ANGEL2: variants seen among roughly 807,000 people sequenced by gnomAD.
ANGEL2 encodes the protein RNA 2',3'-cyclic phosphatase ANGEL2.
A neutral mutation model predicts 66.0 loss-of-function variants in ANGEL2; 41 were observed. That is an observed-to-expected ratio of 0.62 (90% confidence interval 0.48 to 0.81). The LOEUF is 0.81. Ranked by LOEUF, ANGEL2 falls within the 30% of genes least tolerant of loss-of-function variation. The pLI, the probability that ANGEL2 is intolerant of heterozygous loss-of-function variation, is 0.00. For synonymous variants in ANGEL2, 208 were observed against 226.5 expected (o/e 0.92, Z 0.73); for missense variants, 561 against 641.6 (o/e 0.87, Z 1.36).
intron 4 of ANGEL2, among the ~76,000 whole-genome samples, chr1:213,006,112 G>A (rs2076318479): frequency 6.6e-6 from 1 of 152,020 alleles, no homozygotes. Flanking sequence ...TTTGCCCAAT[G>A]CTATATCCTC....
chr1:213,000,459 A>G (rs1370799982), intron 6 of ANGEL2, 76 bp from the exon 7 acceptor site: 45 of 1,305,152 alleles, frequency 3.4e-5, no homozygotes, highest in Non-Finnish European at 4.7e-5. Flanking sequence ...TCTAGAAACA[A>G]TATTTAAGAC....
intron 4 of ANGEL2, among the ~76,000 whole-genome samples, 153 bp from the exon 5 acceptor site, chr1:213,005,607 T>TTGACAC (rs1558182621): frequency 6.6e-6 from 1 of 152,218 alleles, no homozygotes; most frequent in Non-Finnish European, 1.5e-5. Flanking sequence ...TAAAAAACGT[T>TTGACAC]TGACACTGGG....
chr1:213,004,034 T>C (rs557298154), intron 5 of ANGEL2, among the ~76,000 whole-genome samples: 145 of 152,006 alleles, frequency 9.5e-4, no homozygotes, highest in Middle Eastern at 3.4e-3. Context: ...TGAAACCCCA[T>C]CTCTACTAAA....
intron 2 of ANGEL2, among the ~76,000 whole-genome samples, chr1:213,009,236 T>C (rs933016305): frequency 1.3e-5 from 2 of 152,194 alleles, no homozygotes; most frequent in African/African-American, 4.8e-5. Flanking sequence ...TTTGCAATCA[T>C]AGGCAGTCCC....
intron 5 of ANGEL2, among the ~76,000 whole-genome samples, chr1:213,004,250 G>A (rs1275632492): frequency 6.6e-6 from 1 of 151,992 alleles, no homozygotes; most frequent in Admixed American, 6.6e-5. Flanking sequence ...TCCAGTGTTG[G>A]AGAGCTTATT....
At chr1:213,009,953 A>C (rs1305975403) in intron 2 of ANGEL2, among the ~76,000 whole-genome samples, 1 of 151,890 alleles carries the variant, frequency 6.6e-6, no homozygotes, top group African/African-American at 2.4e-5. Context: ...CAGGAGGCTG[A>C]AGCCAGAGAA....
intron 8 of ANGEL2, among the ~76,000 whole-genome samples, chr1:212,996,547 G>A (rs1449900026): frequency 1.4e-5 from 2 of 144,964 alleles, no homozygotes; most frequent in African/African-American, 2.6e-5. Context: ...ACTTGAACCC[G>A]GGAGACAGAG....
rs911593065 is a variant in ANGEL2, at chr1:213,005,116, C to T, written c.1051G>A (p.Asp351Asn). 1.9e-6 allele frequency: 3 copies of T among 1,613,786 alleles called. No individual in the cohort carries two copies. The African/African-American group carries it at 4.0e-5, about 22-fold the overall frequency. Reference sequence around the variant, plus strand: ...GGAGAACCAGGAACAGAATTAAAGTCACCACACATAACAATAGGGCAGAAG... The same window carrying T: ...GGAGAACCAGGAACAGAATTAAAGTTACCACACATAACAATAGGGCAGAAG... ...GSFCPIVMCG[D>N]FNSVPGSPLY... The change falls in exon 5 of 9, where the codon GAC becomes AAC. Residue 351 changes from aspartate (D) to asparagine (N), a missense_variant. Coordinates refer to ENST00000366962, the MANE Select transcript of ANGEL2 (RefSeq NM_144567.5).
chr1:213,004,655 G>T (rs575647178), intron 5 of ANGEL2, among the ~76,000 whole-genome samples: 1 of 151,884 alleles, frequency 6.6e-6, no homozygotes, highest in Non-Finnish European at 1.5e-5. Context: ...GGATCACGAC[G>T]TAAGGAGTTC....
chr1:213,008,655 C>A (rs2076412380), intron 2 of ANGEL2, among the ~76,000 whole-genome samples, 189 bp from the exon 3 acceptor site: 1 of 152,168 alleles, frequency 6.6e-6, no homozygotes, highest in Non-Finnish European at 1.5e-5. Flanking sequence ...TGCGGTAACA[C>A]AATATACTGA....
chr1:213,001,831 C>T lies in ANGEL2; in HGVS notation c.1135-919G>A, dbSNP rs188179200. ...TGCTCATCTATAAGAAGCAACTCCT[C>T]ATCTATTTAAGTTTTATCATGAGAT... On this transcript the variant is annotated intron_variant, in intron 5 of 8. Coordinates refer to ENST00000366962, the MANE Select transcript of ANGEL2 (RefSeq NM_144567.5). 6 of 152,482 alleles carry T rather than the reference C, an allele frequency of 3.9e-5. No homozygotes were observed. The East Asian group carries it at 1.2e-3, about 29-fold the overall frequency. The allele number at this position is 152,482 out of a possible 1,614,324, so 9.4% of individuals were successfully genotyped here.
Position 213,013,107 on chromosome 1 carries a change from C to T in ANGEL2, c.371G>A (p.Arg124Gln), listed in dbSNP as rs1415193229. Residue 124 changes from arginine to glutamine, a missense_variant, in exon 2 of 9, where the codon CGA (arginine) becomes CAA (glutamine). Transcript: ENST00000366962. ...GTCACCTTTACCTTGGTGTTTTCTT[C>T]GTTTTGATGAAGGCTCATCTCCCTC... is the stretch of plus-strand genomic sequence containing the variant. ...NAEGDEPSSKRRKHQGVIKRN... is the reference protein window; with the variant it reads ...NAEGDEPSSKQRKHQGVIKRN... The T allele has an allele frequency of 1.9e-6, 3 of 1,612,614 alleles. No homozygotes were observed. Among genetic ancestry groups the T allele is most frequent in the South Asian group, 1.1e-5 (1 of 90,864 alleles).
intron 6 of ANGEL2, 62 bp from the exon 7 acceptor site, chr1:213,000,445 T>A: frequency 2.9e-6 from 4 of 1,392,492 alleles, no homozygotes; most frequent in Non-Finnish European, 4.0e-6. Context: ...TATCGTCATC[T>A]TACTCTAGAA....
At chr1:213,004,345 C>T (rs570051296) in intron 5 of ANGEL2, among the ~76,000 whole-genome samples, 1 of 152,174 alleles carries the variant, frequency 6.6e-6, no homozygotes, top group South Asian at 2.1e-4. Context: ...TTGTGCTAAG[C>T]TAAAGAAAAT....
intron 8 of ANGEL2, among the ~76,000 whole-genome samples, chr1:212,996,523 G>A (rs1415775604): frequency 1.3e-5 from 2 of 150,174 alleles, no homozygotes; most frequent in Non-Finnish European, 3.0e-5. Flanking sequence ...TCGGGAAGCT[G>A]AGGTGGGAAG....
At chr1:213,000,299 T>C (rs375564640) in intron 7 of ANGEL2, 27 bp downstream of exon 7, 38 of 1,585,052 alleles carry the variant, frequency 2.4e-5, no homozygotes, top group Non-Finnish European at 3.2e-5. Context: ...AGTTAGCAAA[T>C]GTCTCCTTTT....
At chr1:213,011,942 T>G (rs1160008833) in intron 2 of ANGEL2, among the ~76,000 whole-genome samples, 3 of 152,168 alleles carry the variant, frequency 2.0e-5, no homozygotes, top group Admixed American at 1.3e-4. Flanking sequence ...TAAATACACC[T>G]TTCATTCATT....
intron 7 of ANGEL2, among the ~76,000 whole-genome samples, chr1:212,998,458 G>C (rs1423069071): frequency 6.7e-6 from 1 of 150,284 alleles, no homozygotes; most frequent in African/African-American, 2.4e-5. Flanking sequence ...CAATTTTTCA[G>C]TTTACAGATA....
chr1:212,999,443 G>C (rs1012335756), intron 7 of ANGEL2, among the ~76,000 whole-genome samples: 1 of 152,072 alleles, frequency 6.6e-6, no homozygotes, highest in Admixed American at 6.5e-5. Context: ...GTTTAATCAT[G>C]AATTTTAAAA....
Sources: allele counts gnomAD v4.1 joint callset (sites outside exome capture counted in the v4.1 genomes callset), GRCh38; gene constraint gnomAD v4.1.1; transcripts MANE v1.5; gene names NCBI Gene and HGNC (gene_info 2026-07-23, HGNC 2026-07-21).